Variants in NAV2 observed in about 807,000 individuals in gnomAD.
NAV2 encodes neuron navigator 2, also known as helicase, APC down-regulated 1.
Under a neutral mutation model 223.2 loss-of-function variants are expected in NAV2, and 54 were observed. The observed-to-expected ratio is 0.24, with a 90% CI of 0.19 to 0.30. The LOEUF is 0.30. Among genes scored for constraint, NAV2 ranks in the 10% least tolerant of loss-of-function variants. NAV2 has a pLI of 1.00. For missense variants in NAV2, 2,806 were observed against 3,147.5 expected (o/e 0.89, Z 2.60); for synonymous variants, 1,279 against 1,239.3 (o/e 1.03, Z -0.67).
chr11:19,464,011 A>G (rs1194155282), intron 1 of NAV2, among the ~76,000 whole-genome samples: 1 of 152,238 alleles, frequency 6.6e-6, no homozygotes, highest in Non-Finnish European at 1.5e-5. Context: ...AATAGGCAAG[A>G]AATGTTTCTC....
chr11:19,957,360 A>G (rs77866293), intron 10 of NAV2, among the ~76,000 whole-genome samples: 1,992 of 152,276 alleles, frequency 0.013, 34 homozygotes, highest in Middle Eastern at 0.061. Flanking sequence ...GGCAAGTACA[A>G]TGGTCTCTTT....
At chr11:19,710,770 T>G (rs1377816019), upstream of NAV2, among the ~76,000 whole-genome samples, 1 of 152,232 alleles carries the variant, frequency 6.6e-6, no homozygotes, top group Non-Finnish European at 1.5e-5. Context: ...TCCCAAGGTT[T>G]ATAGCATAAT....
intron 6 of NAV2, among the ~76,000 whole-genome samples, chr11:19,911,851 C>T (rs1277402906): frequency 2.6e-5 from 4 of 152,120 alleles, no homozygotes; most frequent in East Asian, 3.9e-4. Flanking sequence ...ATCCAGTGAT[C>T]GGTTTATTTG....
intron 1 of NAV2, among the ~76,000 whole-genome samples, chr11:19,397,216 T>C (rs1310430812): frequency 6.6e-6 from 1 of 152,206 alleles, no homozygotes; most frequent in Non-Finnish European, 1.5e-5. Context: ...AGGATTAAAC[T>C]AGGGCTATGG....
At chr11:19,995,335 C>T (rs1565725621) in intron 11 of NAV2, among the ~76,000 whole-genome samples, 2 of 152,198 alleles carry the variant, frequency 1.3e-5, no homozygotes, top group Non-Finnish European at 2.9e-5. Flanking sequence ...ACATGTGTCT[C>T]ATTTGATGGT....
intron 10 of NAV2, among the ~76,000 whole-genome samples, chr11:19,951,133 G>A (rs545770479): frequency 6.6e-6 from 1 of 152,170 alleles, no homozygotes; most frequent in African/African-American, 2.4e-5. Flanking sequence ...GGGGAAAAAG[G>A]GTTCTGATTT....
intron 1 of NAV2, among the ~76,000 whole-genome samples, chr11:19,475,775 T>C (rs555162709): frequency 1.2e-4 from 18 of 152,020 alleles, no homozygotes; most frequent in African/African-American, 3.6e-4. Flanking sequence ...CTGAAAAAAA[T>C]AGTTGTTCAG....
At chr11:19,695,170 T>C (rs761163435) in intron 1 of NAV2, among the ~76,000 whole-genome samples, 10 of 152,192 alleles carry the variant, frequency 6.6e-5, no homozygotes, top group Non-Finnish European at 1.0e-4. Context: ...GTCAGTTACC[T>C]GCTCTTATCT....
At chr11:19,361,629 C>G (rs1853951065) in intron 1 of NAV2, among the ~76,000 whole-genome samples, 1 of 152,116 alleles carries the variant, frequency 6.6e-6, no homozygotes, top group South Asian at 2.1e-4. Context: ...CCTCTGCCAT[C>G]TGAGATCAAT....
intron 1 of NAV2, among the ~76,000 whole-genome samples, chr11:19,535,044 A>T (rs1048385254): frequency 2.0e-5 from 3 of 152,178 alleles, no homozygotes; most frequent in Non-Finnish European, 4.4e-5. Flanking sequence ...AATCATTGCT[A>T]TTCCTGTTGA....
At chr11:19,460,234 G>A (rs1358229799) in intron 1 of NAV2, among the ~76,000 whole-genome samples, 1 of 152,210 alleles carries the variant, frequency 6.6e-6, no homozygotes, top group Non-Finnish European at 1.5e-5. Flanking sequence ...CCACTGAAGA[G>A]TTTGAGGAAG....
intron 1 of NAV2, among the ~76,000 whole-genome samples, chr11:19,754,806 G>A (rs10833163): frequency 0.11 from 16,839 of 152,204 alleles, 1,089 homozygotes; most frequent in East Asian, 0.24. Context: ...ATACTTCACT[G>A]CAAGCAACTG....
chr11:19,669,173 G>A (rs2048508800), intron 1 of NAV2, among the ~76,000 whole-genome samples: 1 of 152,152 alleles, frequency 6.6e-6, no homozygotes, highest in Admixed American at 6.5e-5. Flanking sequence ...CTGTATGAAA[G>A]GCCATTTAAT....
intron 1 of NAV2, among the ~76,000 whole-genome samples, chr11:19,507,681 T>C (rs1458641997): frequency 6.6e-6 from 1 of 152,252 alleles, no homozygotes; most frequent in Non-Finnish European, 1.5e-5. Flanking sequence ...AGATACTACA[T>C]GGTTTCTATG....
intron 1 of NAV2, among the ~76,000 whole-genome samples, chr11:19,624,525 A>C (rs2047105299): frequency 6.6e-6 from 1 of 152,136 alleles, no homozygotes; most frequent in African/African-American, 2.4e-5. Flanking sequence ...GCAGTGAGTG[A>C]GGCTGTGTGG....
At chr11:19,938,169 C>T (rs1010036749) in intron 7 of NAV2, among the ~76,000 whole-genome samples, 1 of 152,128 alleles carries the variant, frequency 6.6e-6, no homozygotes, top group Non-Finnish European at 1.5e-5. Context: ...AAGAATGTGG[C>T]CATCATCTAC....
chr11:20,060,180 A>G (rs2058614113), intron 19 of NAV2, among the ~76,000 whole-genome samples: 1 of 152,264 alleles, frequency 6.6e-6, no homozygotes, highest in Non-Finnish European at 1.5e-5. Context: ...AGAAATAGAA[A>G]AGAAAAAACT....
intron 1 of NAV2, among the ~76,000 whole-genome samples, chr11:19,699,278 G>A (rs551147145): frequency 3.3e-4 from 50 of 152,274 alleles, no homozygotes; most frequent in African/African-American, 1.0e-3. Flanking sequence ...CTGTTTCTTC[G>A]TCTGTAAAAG....
chr11:19,893,214 G>A (rs1029653836), intron 6 of NAV2, among the ~76,000 whole-genome samples: 13 of 152,180 alleles, frequency 8.5e-5, no homozygotes, highest in Non-Finnish European at 1.6e-4. Flanking sequence ...AGTCCCATGG[G>A]GGTGCTGCCC....
Sources: gnomAD v4.1 joint callset for allele counts (sites outside exome capture counted in the v4.1 genomes callset) on GRCh38, gnomAD v4.1.1 for gene constraint, MANE v1.5 for transcripts, NCBI Gene and HGNC (gene_info 2026-07-23, HGNC 2026-07-21) for gene names.